NEB: variants seen among roughly 807,000 people sequenced by gnomAD.
NEB encodes nemaline myopathy type 2.
Under a neutral mutation model 952.2 loss-of-function variants are expected in NEB, and 512 were observed. That is an observed-to-expected ratio of 0.54 (90% CI 0.50 to 0.58). NEB has a LOEUF of 0.58. Among genes scored for constraint, NEB ranks in the 20% least tolerant of loss-of-function variants. The pLI, the probability that NEB is intolerant of heterozygous loss-of-function variation, is 0.00. For synonymous variants in NEB, 2,900 were observed against 3,149.8 expected, an observed-to-expected ratio of 0.92 and a Z score of 2.66; for missense variants, 8,428 against 9,231.1, an observed-to-expected ratio of 0.91 and a Z score of 3.56.
chr2:151,684,986 G>A lies in NEB; in HGVS notation c.2638-11C>T. 1.3e-6 allele frequency: 2 copies of A among 1,575,718 alleles called. No individual in the cohort carries two copies. The highest frequency in any genetic ancestry group is 1.3e-5 in the African/African-American group (1 of 74,430). The stretch of plus-strand genomic sequence containing the variant: ...TTTTCGATATTCGCGCTGTGAATAG[G>A]AAATTATCATTTATTATCACAAATC... On this transcript the variant is annotated splice_polypyrimidine_tract_variant and intron_variant, in intron 27 of 181. Transcript: ENST00000397345.
chr2:151,618,419 G>A lies in NEB; in HGVS notation c.10932C>T (p.Ser3644=), dbSNP rs2154016925. The A allele has an allele frequency of 6.2e-7, 1 of 1,613,878 alleles. No individual in the cohort carries two copies. The highest frequency in any genetic ancestry group is 8.5e-7 in the Non-Finnish European group (1 of 1,179,856). ...CTCTCTTGGCCCTAACAACTTCCAA[G>A]GAATCAATCGGAACCCAGCCAATGC... is the stretch of plus-strand genomic sequence containing the variant. ...MKGIGWVPID[S]LEVVRAKRAG... is the part of the protein sequence containing the mutation. The change falls in exon 74 of 182, where the codon TCC becomes TCT. Residue 3644 remains serine, a synonymous_variant. Coordinates refer to ENST00000397345, the MANE Select transcript of NEB (RefSeq NM_001164508.2).
chr2:151,634,008 T>C (rs2098713371), intron 64 of NEB, 43 bp from the exon 65 acceptor site: 1 of 1,581,054 alleles, frequency 6.3e-7, no homozygotes, highest in Admixed American at 1.7e-5. Context: ...TGTAACCCCT[T>C]AGAGGCCACA....
intron 16 of NEB, 95 bp from the exon 17 acceptor site, chr2:151,696,830 G>T: frequency 1.2e-6 from 1 of 846,776 alleles, no homozygotes; most frequent in Non-Finnish European, 1.9e-6. Flanking sequence ...GCCCCACAAA[G>T]CAATGAAACT....
intron 114 of NEB, among the ~76,000 whole-genome samples, chr2:151,566,904 T>G (rs1003452317): frequency 1.3e-5 from 2 of 152,140 alleles, no homozygotes; most frequent in African/African-American, 2.4e-5. Context: ...GAGTGAGGAG[T>G]TGCTGATGGC....
At chr2:151,562,012 T>A in intron 121 of NEB, 98 bp downstream of exon 121, 1 of 915,856 alleles carries the variant, frequency 1.1e-6, no homozygotes, top group South Asian at 1.4e-5. Context: ...GAGCCTACAC[T>A]GTTACAGCAA....
intron 50 of NEB, 141 bp from the exon 51 acceptor site, chr2:151,655,515 AC>A: frequency 2.0e-6 from 1 of 510,838 alleles, no homozygotes; most frequent in Non-Finnish European, 3.3e-6. Flanking sequence ...TTCAGAAAAG[AC>A]CCTAAAAACA....
At chr2:151,548,632 AC>A (rs1224780875) in intron 130 of NEB, among the ~76,000 whole-genome samples, 1 of 152,222 alleles carries the variant, frequency 6.6e-6, no homozygotes, top group East Asian at 1.9e-4. Flanking sequence ...ATAAAATTTG[AC>A]CTTGCCTAGG....
intron 145 of NEB, chr2:151,530,605 A>C: frequency 6.1e-6 from 1 of 163,442 alleles, no homozygotes; most frequent in Non-Finnish European, 1.3e-5. Context: ...AAAAATCAGT[A>C]CCTCAGGATA....
At position 151,546,435 on chromosome 2, in the gene NEB, G is replaced by A; in HGVS notation, c.20376C>T (p.Tyr6792=). The part of the protein sequence containing the change: ...YVGDITSDIK[Y]KEDLQVLKGF... ...CCTTCAGGACCTGCAAGTCCTCTTT[G>A]TATTTAATCTGAGAGGCAAACACAG... Residue 6792 remains tyrosine (Y), a synonymous_variant, in exon 134 of 182, where the codon TAC becomes TAT. Coordinates refer to ENST00000397345, the MANE Select transcript of NEB (RefSeq NM_001164508.2). The A allele has an allele frequency of 6.2e-7, 1 of 1,610,860 alleles. No individual in the cohort carries two copies. The highest frequency in any genetic ancestry group is 8.5e-7 in the Non-Finnish European group (1 of 1,177,294).
chr2:151,554,059 G>A, intron 125 of NEB, 34 bp from the exon 126 acceptor site: 1 of 1,604,258 alleles, frequency 6.2e-7, no homozygotes, highest in South Asian at 1.1e-5. Context: ...AGTTATACAG[G>A]AAATTGTGCC....
rs2097994537 is a variant in NEB, at chr2:151,612,045, G to A, written c.11805+141C>T. 1.9e-5 allele frequency: 16 copies of A among 825,464 alleles called. No homozygotes were observed. In the South Asian group the frequency reaches 2.8e-4, roughly 14 times the overall value. The allele number at this position is 825,464 out of a possible 1,614,324, so 51.1% of individuals were successfully genotyped here. ...TGAGAAGAGCACACCTTGAATTCAAGCAGATGCTCTGTTAAAGGCCTGCAT... is the reference window on the plus strand; with the variant it reads ...TGAGAAGAGCACACCTTGAATTCAAACAGATGCTCTGTTAAAGGCCTGCAT... On this transcript the variant is annotated intron_variant, in intron 78 of 181. Coordinates refer to ENST00000397345, the MANE Select transcript of NEB (RefSeq NM_001164508.2).
rs369875205 is a variant in NEB, at chr2:151,684,794, T to C, written c.2819A>G (p.Tyr940Cys). The change falls in exon 28 of 182, where the codon TAT becomes TGT. Residue 940 changes from tyrosine (Y) to cysteine (C), a missense_variant. Around this residue, in one of 11 missense-constraint regions of NEB, gnomAD observed 2,851 missense variants for 2,791.5 expected, o/e 1.02. Transcript: ENST00000397345. The part of the protein sequence containing the change: ...SINVDLAKKA[Y>C]ALQSDVEYKA... ...GTTACTCACATCGCTCTGCAGCGCATATGCCTTCTTGGCAAGGTCCACATT... is the reference window on the plus strand; with the variant it reads ...GTTACTCACATCGCTCTGCAGCGCACATGCCTTCTTGGCAAGGTCCACATT... The C allele has an allele frequency of 8.1e-6, 13 of 1,608,784 alleles. No homozygotes were observed. In the African/African-American group the frequency reaches 1.6e-4, roughly 20 times the overall value.
At chr2:151,710,831 A>T (rs917077352) in intron 10 of NEB, among the ~76,000 whole-genome samples, 1 of 152,192 alleles carries the variant, frequency 6.6e-6, no homozygotes, top group Non-Finnish European at 1.5e-5. Flanking sequence ...TTAAAGAAAT[A>T]GAGTCAGAAG....
chr2:151,691,776 T>C (rs368776493), intron 23 of NEB, 88 bp downstream of exon 23: 2 of 972,392 alleles, frequency 2.1e-6, no homozygotes, highest in African/African-American at 3.2e-5. Flanking sequence ...AATCACTAGA[T>C]ATTAGCATGT....
At chr2:151,486,079 AC>A in intron 181 of NEB, 146 bp from the exon 182 acceptor site, 1 of 790,392 alleles carries the variant, frequency 1.3e-6, no homozygotes, top group Non-Finnish European at 2.0e-6. Context: ...AGTAAAAGGA[AC>A]CCACAAAATA....
chr2:151,531,042 G>A lies in NEB; in HGVS notation c.21582C>T (p.Asp7194=), dbSNP rs527760406. The change falls in exon 145 of 182, where the codon GAC becomes GAT. Residue 7194 remains aspartate, a synonymous_variant. Transcript: ENST00000397345. ...TGCGGACATGCAGCAACATGGGTGT[G>A]TCGTGGATTGTGGTGTAGCCTCTGG... ...AKPRGYTTIH[D]TPMLLHVRKV... is the part of the protein sequence containing the mutation. The A allele has an allele frequency of 6.2e-7, 1 of 1,613,560 alleles. No homozygotes were observed. Among genetic ancestry groups the A allele is most frequent in the East Asian group, 2.2e-5 (1 of 44,856 alleles).
intron 66 of NEB, 147 bp from the exon 67 acceptor site, chr2:151,630,966 C>A: frequency 8.6e-7 from 1 of 1,167,936 alleles, no homozygotes. Context: ...AGTCTTATTA[C>A]TAGTTATCAA....
chr2:151,678,110 C>T lies in NEB; in HGVS notation c.3333G>A (p.Leu1111=). The change falls in exon 33 of 182, where the codon CTG becomes CTA. Residue 1111 remains leucine (L), a synonymous_variant. Coordinates refer to ENST00000397345, the MANE Select transcript of NEB (RefSeq NM_001164508.2). ...GFQSLQDDPK[L]VHYMNVAKIQ... is the part of the protein sequence containing the mutation. Reference sequence around the variant, plus strand: ...TCTTGGCCACGTTCATATAATGAACCAGTTTAGGGTCATCTTGAAGACTTT... The same window carrying T: ...TCTTGGCCACGTTCATATAATGAACTAGTTTAGGGTCATCTTGAAGACTTT... 1 of 1,613,026 alleles carries T rather than the reference C, an allele frequency of 6.2e-7. No homozygotes were observed.
Position 151,576,363 on chromosome 2 carries a change from G to A in NEB, c.16705-9C>T. On this transcript the variant is annotated splice_polypyrimidine_tract_variant and intron_variant, in intron 105 of 181. Transcript: ENST00000397345. Reference sequence around the variant, plus strand: ...TCAGCCTTGTAGAGGGCCTGAAAAAGAAAACACAGGTAGAAGCAGGGTTTG... The same window carrying A: ...TCAGCCTTGTAGAGGGCCTGAAAAAAAAAACACAGGTAGAAGCAGGGTTTG... 6.3e-7 allele frequency: 1 copy of A among 1,579,358 alleles called. No individual in the cohort carries two copies. Among genetic ancestry groups the A allele is most frequent in the Non-Finnish European group, 8.6e-7 (1 of 1,158,676 alleles).
Sources: allele counts gnomAD v4.1 joint callset (sites outside exome capture counted in the v4.1 genomes callset), GRCh38; gene constraint gnomAD v4.1.1; regional missense constraint gnomAD v4.1.1; transcripts MANE v1.5; gene names NCBI Gene and HGNC (gene_info 2026-07-23, HGNC 2026-07-21).